Variants in TBC1D9 observed in about 807,000 individuals in gnomAD.
TBC1D9 encodes the protein TBC1 domain family member 9.
Under a neutral mutation model 132.0 loss-of-function variants are expected in TBC1D9, and 63 were observed. The observed-to-expected ratio is 0.48, with a 90% CI of 0.39 to 0.59. The LOEUF is 0.59. Ranked by LOEUF, TBC1D9 falls within the 20% of genes least tolerant of loss-of-function variation. The probability of loss-of-function intolerance (pLI) is 0.00; values close to 1 mark genes in which losing one functional copy is unlikely to be tolerated. For missense variants in TBC1D9, 1,261 were observed against 1,592.7 expected (o/e 0.79, Z 3.54); for synonymous variants, 610 against 609.9 (o/e 1.00, Z 0.00).
chr4:140,700,124 C>A (rs1738041608), intron 2 of TBC1D9, among the ~76,000 whole-genome samples: 1 of 151,410 alleles, frequency 6.6e-6, no homozygotes, highest in Non-Finnish European at 1.5e-5. Context: ...CAGAGAGACA[C>A]CATCTCTACA....
chr4:140,730,968 T>C (rs1227670597), intron 1 of TBC1D9, among the ~76,000 whole-genome samples: 5 of 152,174 alleles, frequency 3.3e-5, no homozygotes, highest in Non-Finnish European at 2.9e-5. Flanking sequence ...TAATTGCTTG[T>C]CATCAATGAA....
At chr4:140,688,496 A>T (rs182561066) in intron 2 of TBC1D9, among the ~76,000 whole-genome samples, 2,388 of 152,220 alleles carry the variant, frequency 0.016, 66 homozygotes, top group African/African-American at 0.054. Flanking sequence ...TGATACCCTC[A>T]TCTCTACAAA....
chr4:140,712,645 G>A (rs1025800285), intron 1 of TBC1D9, among the ~76,000 whole-genome samples: 35 of 151,336 alleles, frequency 2.3e-4, no homozygotes, highest in African/African-American at 6.1e-4. Flanking sequence ...AGGAGGCTGA[G>A]GCAGGAGAAT....
intron 2 of TBC1D9, among the ~76,000 whole-genome samples, 175 bp from the exon 3 acceptor site, chr4:140,686,637 G>A (rs1737786591): frequency 6.6e-6 from 1 of 152,196 alleles, no homozygotes; most frequent in African/African-American, 2.4e-5. Flanking sequence ...ATTTAAGGAT[G>A]TGGAAACGCA....
intron 1 of TBC1D9, among the ~76,000 whole-genome samples, chr4:140,749,676 A>C (rs1738891882): frequency 6.6e-6 from 1 of 152,188 alleles, no homozygotes; most frequent in Non-Finnish European, 1.5e-5. Flanking sequence ...AAAACAATTA[A>C]ATTACTAAAC....
chr4:140,692,714 A>G (rs1287899806), intron 2 of TBC1D9, among the ~76,000 whole-genome samples: 1 of 152,184 alleles, frequency 6.6e-6, no homozygotes, highest in Non-Finnish European at 1.5e-5. Flanking sequence ...TAGGCATCAC[A>G]CTTAACTACT....
rs540416257 is a variant in TBC1D9 at position 140,643,378 on chromosome 4, C to A, written c.2338-3950G>T. 4.9e-5 allele frequency: 63 copies of A among 1,273,122 alleles called. 1 individual carries two copies. In the East Asian group the frequency reaches 1.5e-3, roughly 31 times the overall value. 78.9% of individuals were successfully genotyped at this position (1,273,122 alleles called of 1,614,324 possible). A position where few individuals can be genotyped will look rare whatever the true frequency, so the allele number is the denominator to read the frequency against. ...GCACCTGGGGAGGGCAGAGGCCTGG[C>A]CTGGGGCAGCTCCATGGCCACCTCC... On this transcript the variant is annotated intron_variant, in intron 13 of 20. Coordinates refer to ENST00000442267, the MANE Select transcript of TBC1D9 (RefSeq NM_015130.3).
intron 9 of TBC1D9, among the ~76,000 whole-genome samples, chr4:140,665,158 T>G (rs1737424475): frequency 6.7e-6 from 1 of 149,144 alleles, no homozygotes; most frequent in African/African-American, 2.5e-5. Context: ...CTATAAGAGC[T>G]AAAACTACAA....
intron 13 of TBC1D9, among the ~76,000 whole-genome samples, chr4:140,656,537 T>C (rs1737275492): frequency 1.3e-5 from 2 of 152,150 alleles, no homozygotes; most frequent in Non-Finnish European, 2.9e-5. Flanking sequence ...TTACCAGTAC[T>C]GCACAAAGCC....
chr4:140,741,364 C>A (rs893611396), intron 1 of TBC1D9, among the ~76,000 whole-genome samples: 2 of 152,168 alleles, frequency 1.3e-5, no homozygotes, highest in Non-Finnish European at 2.9e-5. Context: ...CTTTCCAAAT[C>A]TCCTCCAGAT....
At chr4:140,672,641 A>C (rs1317314465) in intron 6 of TBC1D9, among the ~76,000 whole-genome samples, 1 of 152,208 alleles carries the variant, frequency 6.6e-6, no homozygotes, top group Non-Finnish European at 1.5e-5. Context: ...GCTCCCACAT[A>C]AAACATATAA....
rs539942248 is a variant in TBC1D9 at position 140,635,179 on chromosome 4, G to GA, written c.2506-992dup. ...ATAAGCACGAATAAATATGGTAATA[G>GA]AAAAAAAAAACACCTTTGGCCAGGT... is the stretch of plus-strand genomic sequence containing the variant. On this transcript the variant is annotated intron_variant, in intron 15 of 20. Transcript: ENST00000442267. Among the ~76,000 whole-genome samples, 1,214 of 147,928 alleles carry GA rather than the reference G, an allele frequency of 8.2e-3. 3 individuals are homozygous for GA. Among genetic ancestry groups the GA allele is most frequent in the Non-Finnish European group, 0.013 (862 of 66,712 alleles).
intron 11 of TBC1D9, among the ~76,000 whole-genome samples, chr4:140,658,211 T>C (rs145737963): frequency 1.4e-4 from 21 of 152,344 alleles, no homozygotes; most frequent in African/African-American, 2.6e-4. Flanking sequence ...TGGGTTGTCA[T>C]GTAAATCTGT....
At chr4:140,658,370 T>C (rs1042422130) in intron 11 of TBC1D9, among the ~76,000 whole-genome samples, 1 of 152,148 alleles carries the variant, frequency 6.6e-6, no homozygotes, top group Non-Finnish European at 1.5e-5. Flanking sequence ...TATAACATAA[T>C]GGTAAACAGT....
At chr4:140,702,586 G>T (rs145818229) in intron 1 of TBC1D9, among the ~76,000 whole-genome samples, 93 of 152,292 alleles carry the variant, frequency 6.1e-4, no homozygotes, top group African/African-American at 2.2e-3. Context: ...CAGACAACTT[G>T]TCAGGTATGG....
chr4:140,751,415 A>C (rs910560375), intron 1 of TBC1D9, among the ~76,000 whole-genome samples: 2 of 152,166 alleles, frequency 1.3e-5, no homozygotes, highest in Admixed American at 1.3e-4. Flanking sequence ...CCCCTACTTC[A>C]CACAATATGC....
At chr4:140,695,881 A>G (rs1737947583) in intron 2 of TBC1D9, among the ~76,000 whole-genome samples, 1 of 152,248 alleles carries the variant, frequency 6.6e-6, no homozygotes, top group African/African-American at 2.4e-5. Flanking sequence ...CATGAGAGAC[A>G]GAATTGTCAG....
intron 6 of TBC1D9, among the ~76,000 whole-genome samples, chr4:140,672,057 A>C (rs1008140367): frequency 6.6e-6 from 1 of 152,050 alleles, no homozygotes; most frequent in African/African-American, 2.4e-5. Flanking sequence ...TAAGTAACCT[A>C]TTGAAGTTGT....
Position 140,657,198 on chromosome 4 carries a change from T to C in TBC1D9, c.2236A>G (p.Ser746Gly), listed in dbSNP as rs763242643. The change falls in exon 13 of 21, where the codon AGC (serine) becomes GGC (glycine). Residue 746 changes from serine to glycine, a missense_variant. Physicochemically the swap from Ser to Gly is moderately conservative, Grantham distance 56. Transcript: ENST00000442267. ...AGGTGAGGAATGGGAGGCAGTGTGC[T>C]GTCTTTATTGGTCACACTGTCTAAA... ...RYLDSVTNKDSTLPPIPHLHS... is the reference protein window; with the variant it reads ...RYLDSVTNKDGTLPPIPHLHS... 16 of 1,613,860 alleles carry C rather than the reference T, an allele frequency of 9.9e-6. No individual in the cohort carries two copies. The highest frequency in any genetic ancestry group is 1.3e-5 in the African/African-American group (1 of 74,932).
Sources: gnomAD v4.1 joint callset for allele counts (sites outside exome capture counted in the v4.1 genomes callset) on GRCh38, gnomAD v4.1.1 for gene constraint, MANE v1.5 for transcripts, NCBI Gene and HGNC (gene_info 2026-07-23, HGNC 2026-07-21) for gene names.